Variants in SIPA1L1 observed in about 807,000 individuals in gnomAD.
SIPA1L1 encodes signal-induced proliferation-associated 1-like protein 1.
A neutral mutation model predicts 162.7 loss-of-function variants in SIPA1L1; 26 were observed. That is an observed-to-expected ratio of 0.16 (90% CI 0.12 to 0.22). The LOEUF is 0.22. Among genes scored for constraint, SIPA1L1 ranks in the 10% least tolerant of loss-of-function variants. The pLI, the probability that SIPA1L1 is intolerant of heterozygous loss-of-function variation, is 1.00. For synonymous variants in SIPA1L1, 829 were observed against 837.4 expected, an observed-to-expected ratio of 0.99 and a Z score of 0.17; for missense variants, 1,874 against 2,241.0, an observed-to-expected ratio of 0.84 and a Z score of 3.31.
rs1426044613 is a variant in SIPA1L1 at position 71,436,758 on chromosome 14, G to T, written c.-464-75985G>T. 2.1e-5 allele frequency among the ~76,000 whole-genome samples: 3 copies of T among 146,040 alleles called. No homozygotes were observed. In the Admixed American group the frequency reaches 2.1e-4, roughly 10 times the overall value. ...CATATAAACTACAGACATACCTTCT[G>T]AATTTTTTTTTTTTTTTTTTTTTTG... On this transcript the variant is annotated intron_variant, in intron 2 of 23. Transcript: ENST00000381232.
chr14:71,502,253 A>ATAT (rs1555440974), intron 2 of SIPA1L1, among the ~76,000 whole-genome samples: 8,679 of 88,786 alleles, frequency 0.098, 347 homozygotes, highest in Middle Eastern at 0.12. Context: ...AAAAAAAAAA[A>ATAT]AAATATATAT....
chr14:71,643,896 C>T (rs2041937943), intron 7 of SIPA1L1, among the ~76,000 whole-genome samples: 1 of 151,100 alleles, frequency 6.6e-6, no homozygotes, highest in Admixed American at 6.6e-5. Flanking sequence ...CAACCTCTGC[C>T]TCCCAGGTTC....
chr14:71,513,039 C>T (rs34281934), intron 3 of SIPA1L1, among the ~76,000 whole-genome samples, 194 bp downstream of exon 3: 27,988 of 152,186 alleles, frequency 0.18, 3,086 homozygotes, highest in Middle Eastern at 0.36. Context: ...CATATACTGA[C>T]TGATGTCTCG....
At chr14:71,594,789 A>C (rs189701116) in intron 5 of SIPA1L1, among the ~76,000 whole-genome samples, 15 of 152,326 alleles carry the variant, frequency 9.8e-5, no homozygotes, top group Admixed American at 4.6e-4. Context: ...TAATCTATGT[A>C]ATTCATTCGA....
chr14:71,571,737 G>A (rs531806426), intron 4 of SIPA1L1, among the ~76,000 whole-genome samples: 8 of 151,818 alleles, frequency 5.3e-5, no homozygotes, highest in Admixed American at 1.3e-4. Flanking sequence ...CGCCTCCCGG[G>A]TTCACACCAT....
intron 2 of SIPA1L1, among the ~76,000 whole-genome samples, chr14:71,510,128 G>C (rs1288170693): frequency 6.7e-6 from 1 of 148,948 alleles, no homozygotes. Context: ...TCTTTATACA[G>C]CTTGCTTTTT....
intron 17 of SIPA1L1, among the ~76,000 whole-genome samples, chr14:71,713,429 T>G (rs2083026337): frequency 1.3e-5 from 2 of 152,252 alleles, no homozygotes; most frequent in Non-Finnish European, 2.9e-5. Context: ...CATAAAAGTT[T>G]GTAAACTCTA....
chr14:71,321,259 C>A (rs906469686), intron 2 of SIPA1L1, 78 bp downstream of exon 2: 2 of 152,166 alleles, frequency 1.3e-5, no homozygotes, highest in Admixed American at 6.5e-5. Context: ...TGTTTCTGGC[C>A]GGGGTTGGGG....
chr14:71,403,381 T>C (rs1381525201), intron 2 of SIPA1L1, among the ~76,000 whole-genome samples: 1 of 152,056 alleles, frequency 6.6e-6, no homozygotes, highest in Non-Finnish European at 1.5e-5. Context: ...AGGTGGATCA[T>C]GAGGTCGGGA....
Position 71,377,065 on chromosome 14 carries a change from G to C in SIPA1L1, c.-465+55884G>C, listed in dbSNP as rs1484266458. 2.0e-5 allele frequency among the ~76,000 whole-genome samples: 3 copies of C among 151,908 alleles called. No homozygotes were observed. Among genetic ancestry groups the C allele is most frequent in the African/African-American group, 7.3e-5 (3 of 41,156 alleles). ...CTGTTGGGTACACCTCCCAGACGGGGTGGCAGCTGGGCAGAGGGGCTCCTC... is the reference window on the plus strand; with the variant it reads ...CTGTTGGGTACACCTCCCAGACGGGCTGGCAGCTGGGCAGAGGGGCTCCTC... On this transcript the variant is annotated intron_variant, in intron 2 of 23. Coordinates refer to ENST00000381232, the MANE Select transcript of SIPA1L1 (RefSeq NM_001386936.1). This position sits in a 1 kb window ranked among gnomAD's most constrained non-coding sequence, Gnocchi z 4.8.
At chr14:71,438,785 G>A (rs1378679456) in intron 2 of SIPA1L1, among the ~76,000 whole-genome samples, 1 of 152,184 alleles carries the variant, frequency 6.6e-6, no homozygotes, top group African/African-American at 2.4e-5. Context: ...AAGCCACCAA[G>A]TAACTATTAG....
At chr14:71,504,651 C>T (rs986532647) in intron 2 of SIPA1L1, among the ~76,000 whole-genome samples, 5 of 152,132 alleles carry the variant, frequency 3.3e-5, no homozygotes, top group African/African-American at 9.7e-5. Flanking sequence ...GAAAAAAATG[C>T]AGCCTTCTAA....
At chr14:71,410,529 T>A (rs999254315) in intron 2 of SIPA1L1, among the ~76,000 whole-genome samples, 6 of 152,246 alleles carry the variant, frequency 3.9e-5, no homozygotes, top group Admixed American at 6.5e-5. Flanking sequence ...TAGGATTTTT[T>A]ATTTTTTTGG....
chr14:71,604,188 G>A (rs1420084238), intron 5 of SIPA1L1, among the ~76,000 whole-genome samples: 1 of 151,492 alleles, frequency 6.6e-6, no homozygotes, highest in African/African-American at 2.4e-5. Context: ...TTATAGAGAT[G>A]AGGTTTCACC....
At chr14:71,575,936 T>A (rs1406964432) in intron 4 of SIPA1L1, among the ~76,000 whole-genome samples, 4 of 152,242 alleles carry the variant, frequency 2.6e-5, no homozygotes, top group African/African-American at 9.6e-5. Flanking sequence ...GTTTTTGGCA[T>A]TTCTCCGTCA....
chr14:71,356,110 C>G (rs145704212), intron 2 of SIPA1L1, among the ~76,000 whole-genome samples: 21 of 152,164 alleles, frequency 1.4e-4, no homozygotes, highest in Admixed American at 5.2e-4. Flanking sequence ...GACTCACCCC[C>G]CTTCTTCCAC....
intron 5 of SIPA1L1, among the ~76,000 whole-genome samples, chr14:71,601,096 C>T (rs931322855): frequency 3.3e-5 from 5 of 152,070 alleles, no homozygotes; most frequent in Non-Finnish European, 7.4e-5. Flanking sequence ...TTCTTTCTTT[C>T]TTTTACCTGA....
At chr14:71,656,624 C>T (rs2043082156) in intron 8 of SIPA1L1, among the ~76,000 whole-genome samples, 1 of 152,126 alleles carries the variant, frequency 6.6e-6, no homozygotes. Flanking sequence ...ACATAGTTTT[C>T]CAATTTTTGA....
At chr14:71,700,424 TAA>T (rs1180375227) in intron 14 of SIPA1L1, among the ~76,000 whole-genome samples, 1 of 152,234 alleles carries the variant, frequency 6.6e-6, no homozygotes, top group African/African-American at 2.4e-5. Flanking sequence ...CCATGCCTTT[TAA>T]AAAAGTCTTA....
Sources: allele counts gnomAD v4.1 joint callset (sites outside exome capture counted in the v4.1 genomes callset), GRCh38; gene constraint gnomAD v4.1.1; non-coding constraint Gnocchi (gnomAD v3.1); transcripts MANE v1.5; gene names NCBI Gene and HGNC (gene_info 2026-07-23, HGNC 2026-07-21).